Variants in MCC observed in about 807,000 individuals in gnomAD.
MCC encodes colorectal mutant cancer protein.
Under a neutral mutation model 116.2 loss-of-function variants are expected in MCC, and 90 were observed. The observed-to-expected ratio is 0.77, with a 90% CI of 0.65 to 0.92. The LOEUF (loss-of-function observed/expected upper bound fraction) is 0.92. Among genes scored for constraint, MCC ranks in the 40% least tolerant of loss-of-function variants. MCC has a pLI of 0.00. For missense variants in MCC, 1,516 were observed against 1,312.2 expected (o/e 1.16, Z -2.40); for synonymous variants, 578 against 510.5 (o/e 1.13, Z -1.78).
chr5:113,446,904 A>T (rs1771236098), intron 1 of MCC, among the ~76,000 whole-genome samples: 1 of 152,182 alleles, frequency 6.6e-6, no homozygotes, highest in South Asian at 2.1e-4. Context: ...ATCACACAAT[A>T]TACCCAGGTA....
chr5:113,299,310 A>T, intron 3 of MCC, among the ~76,000 whole-genome samples: 1 of 16,934 alleles, frequency 5.9e-5, no homozygotes, highest in Non-Finnish European at 1.1e-4. Context: ...AAAAAAAAAA[A>T]AAAAAAAAAA....
At chr5:113,358,408 C>A (rs1175932478) in intron 2 of MCC, among the ~76,000 whole-genome samples, 8 of 152,182 alleles carry the variant, frequency 5.3e-5, no homozygotes, top group Admixed American at 5.2e-4. Flanking sequence ...GCTCTGGCCA[C>A]CCCTCTGTTT....
chr5:113,194,866 G>A (rs867792225), intron 3 of MCC, among the ~76,000 whole-genome samples: 1 of 152,080 alleles, frequency 6.6e-6, no homozygotes, highest in African/African-American at 2.4e-5. Flanking sequence ...CAAAGCAAAC[G>A]CAATAAACCA....
intron 2 of MCC, among the ~76,000 whole-genome samples, chr5:113,371,993 A>T (rs1451391244): frequency 6.6e-6 from 1 of 152,234 alleles, no homozygotes; most frequent in Middle Eastern, 3.2e-3. Flanking sequence ...AAGTTGTATC[A>T]CTGCCACAGA....
intron 3 of MCC, among the ~76,000 whole-genome samples, chr5:113,225,680 G>C (rs1274340364): frequency 6.6e-6 from 1 of 152,150 alleles, no homozygotes; most frequent in Non-Finnish European, 1.5e-5. Context: ...ACCTATACCA[G>C]GCACCTCCTC....
chr5:113,053,652 G>T, intron 15 of MCC, 73 bp downstream of exon 15: 1 of 1,074,612 alleles, frequency 9.3e-7, no homozygotes, highest in Non-Finnish European at 1.4e-6. Context: ...CTTATCTGCT[G>T]GACCTGCTTT....
chr5:113,342,446 T>C (rs1385823915), intron 2 of MCC, among the ~76,000 whole-genome samples: 1 of 152,234 alleles, frequency 6.6e-6, no homozygotes. Context: ...TTTGGTTTGT[T>C]GATTAGAGCA....
At chr5:113,113,505 C>T (rs75843293) in intron 6 of MCC, among the ~76,000 whole-genome samples, 90 of 152,178 alleles carry the variant, frequency 5.9e-4, no homozygotes, top group African/African-American at 2.1e-3. Context: ...CCCATGTTGC[C>T]TCTGTCTACC....
At chr5:113,170,495 C>T (rs1014018701) in intron 3 of MCC, among the ~76,000 whole-genome samples, 13 of 152,032 alleles carry the variant, frequency 8.6e-5, no homozygotes, top group African/African-American at 3.1e-4. Context: ...CCAGCCTTTG[C>T]TATGCACACC....
intron 1 of MCC, chr5:113,432,455 T>C (rs1175910646): frequency 1.3e-5 from 2 of 152,118 alleles, no homozygotes; most frequent in Non-Finnish European, 2.9e-5. Context: ...TGACCTAAAC[T>C]GACTTTACTC....
chr5:113,296,336 A>T (rs1766709769), intron 3 of MCC, among the ~76,000 whole-genome samples: 1 of 152,190 alleles, frequency 6.6e-6, no homozygotes, highest in Non-Finnish European at 1.5e-5. Flanking sequence ...CAGAAATGAC[A>T]ATTCTAGATA....
In MCC at chr5:113,336,117, G is replaced by GGA. The variant is rs891247159; in HGVS notation, c.627+4400_627+4401dup. Among the ~76,000 whole-genome samples the GGA allele has an allele frequency of 1.4e-4, 21 of 151,018 alleles. 1 individual carries two copies. Among genetic ancestry groups the GGA allele is most frequent in the African/African-American group, 2.7e-4 (11 of 40,640 alleles). On this transcript the variant is annotated intron_variant, in intron 3 of 18. Transcript: ENST00000408903. ...AAGAAAGAGAGAGAGACAGGGAGTG[G>GGA]GAGAGAGAGAGAGGAACCTGTCCTT...
At chr5:113,041,956 C>G (rs559794358) in intron 17 of MCC, among the ~76,000 whole-genome samples, 1 of 152,234 alleles carries the variant, frequency 6.6e-6, no homozygotes, top group South Asian at 2.1e-4. Flanking sequence ...GAGATCGCAC[C>G]ACTGCACTCC....
chr5:113,439,985 C>A (rs529196021), intron 1 of MCC, among the ~76,000 whole-genome samples: 9 of 152,244 alleles, frequency 5.9e-5, no homozygotes, highest in African/African-American at 9.6e-5. Flanking sequence ...GTAGCCTCAA[C>A]CTCCTGGCCT....
At chr5:113,305,549 A>G (rs1364569541) in intron 3 of MCC, among the ~76,000 whole-genome samples, 2 of 151,906 alleles carry the variant, frequency 1.3e-5, no homozygotes, top group Non-Finnish European at 2.9e-5. Flanking sequence ...CCCTTCCTTC[A>G]TCTTCTCTTC....
At chr5:113,278,192 C>A (rs1240240689) in intron 3 of MCC, among the ~76,000 whole-genome samples, 4 of 152,166 alleles carry the variant, frequency 2.6e-5, no homozygotes, top group Admixed American at 1.3e-4. Context: ...CTGGCCCTGC[C>A]ATCTACCAGA....
At chr5:113,246,248 A>G (rs1201972873) in intron 3 of MCC, among the ~76,000 whole-genome samples, 1 of 152,252 alleles carries the variant, frequency 6.6e-6, no homozygotes, top group Admixed American at 6.5e-5. Flanking sequence ...CTTGTGGAAT[A>G]ATCTCTAATC....
intron 3 of MCC, among the ~76,000 whole-genome samples, chr5:113,325,605 G>A (rs1026634512): frequency 6.6e-6 from 1 of 151,664 alleles, no homozygotes; most frequent in Admixed American, 6.6e-5. Flanking sequence ...CTTCAGTCTC[G>A]GTGGTAATCT....
rs183734181 is a variant in MCC, at chr5:113,126,338, A to G, written c.885-3512T>C. On this transcript the variant is annotated intron_variant, in intron 5 of 18. Coordinates refer to ENST00000408903, the MANE Select transcript of MCC (RefSeq NM_001085377.2). ...TGTTTTAGCCAGGACCACTACCTTTATTTTACAAACAAGATAAATGGGGCT... is the reference window on the plus strand; with the variant it reads ...TGTTTTAGCCAGGACCACTACCTTTGTTTTACAAACAAGATAAATGGGGCT... 1.6e-3 allele frequency among the ~76,000 whole-genome samples: 250 copies of G among 152,302 alleles called. 2 individuals carry two copies. The Middle Eastern group carries it at 0.02, about 12-fold the overall frequency.
Sources: allele counts gnomAD v4.1 joint callset (sites outside exome capture counted in the v4.1 genomes callset), GRCh38; gene constraint gnomAD v4.1.1; transcripts MANE v1.5; gene names NCBI Gene and HGNC (gene_info 2026-07-23, HGNC 2026-07-21).